IL4I1: variants seen among roughly 807,000 people sequenced by gnomAD.
The protein encoded by IL4I1 is L-amino-acid oxidase.
Under a neutral mutation model 29.7 loss-of-function variants are expected in IL4I1, and 24 were observed. The ratio of observed to expected loss-of-function variants is 0.81; its 90% CI spans 0.59 to 1.14. IL4I1 has a LOEUF of 1.14. IL4I1 is among the 50% of genes most tolerant of loss of function. The pLI, the probability that IL4I1 is intolerant of heterozygous loss-of-function variation, is 0.00. For missense variants in IL4I1, 686 were observed against 785.6 expected, an observed-to-expected ratio of 0.87 and a Z score of 1.52; for synonymous variants, 371 against 352.5, an observed-to-expected ratio of 1.05 and a Z score of -0.59.
At chr19:49,924,976 A>G (rs1273685) in intron 2 of IL4I1, among the ~76,000 whole-genome samples, 36,024 of 152,026 alleles carry the variant, frequency 0.24, 4,420 homozygotes, top group African/African-American at 0.28. Flanking sequence ...AATTACCCAC[A>G]CCGGGCCAGG....
At chr19:49,900,324 C>T (rs2075260471), upstream of IL4I1, among the ~76,000 whole-genome samples, 1 of 152,050 alleles carries the variant, frequency 6.6e-6, no homozygotes, top group Non-Finnish European at 1.5e-5. Context: ...AATGCTCTGT[C>T]GCCCAGGCTG....
Position 49,890,101 on chromosome 19 carries a change from C to A in IL4I1, c.1273G>T (p.Ala425Ser). The A allele has an allele frequency of 1.3e-6, 2 of 1,544,756 alleles. No individual in the cohort carries two copies. The highest frequency in any genetic ancestry group is 2.4e-5 in the South Asian group (2 of 84,068). Residue 425 changes from alanine to serine, a missense_variant, in exon 8 of 8, where the codon GCA (alanine) becomes TCA (serine). Coordinates refer to ENST00000391826, the MANE Select transcript of IL4I1 (RefSeq NM_152899.2). ...TGGCGCACGACAGGCCCGTGCAATG[C>A]CGCCACGTCGTCGAGCGCCAAGCGC... ...ALRLALDDVA[A>S]LHGPVVRQLW...
intron 2 of IL4I1, chr19:49,908,071 C>T (rs2075363141): frequency 1.4e-6 from 2 of 1,409,992 alleles, no homozygotes; most frequent in African/African-American, 1.4e-5. Flanking sequence ...CCCAGAATAC[C>T]CTCCTAAATG....
At chr19:49,900,968 A>C (rs1386400044), upstream of IL4I1, among the ~76,000 whole-genome samples, 1 of 152,250 alleles carries the variant, frequency 6.6e-6, no homozygotes. Flanking sequence ...CTCGTGGCCC[A>C]TCAGGGCAGC....
chr19:49,903,755 G>A (rs537311406), intron 3 of IL4I1, among the ~76,000 whole-genome samples: 25 of 145,510 alleles, frequency 1.7e-4, no homozygotes, highest in Non-Finnish European at 3.3e-4. Context: ...TTGATGATTA[G>A]TTTTTACTAA....
chr19:49,900,248 GGCC>G (rs1226322220), upstream of IL4I1, among the ~76,000 whole-genome samples: 2 of 152,146 alleles, frequency 1.3e-5, no homozygotes, highest in Non-Finnish European at 2.9e-5. Context: ...ACATCAGACA[GGCC>G]AGGTGCCCCC....
At chr19:49,928,885 G>A (rs150654811) in intron 1 of IL4I1, 1 of 152,434 alleles carries the variant, frequency 6.6e-6, no homozygotes, top group Admixed American at 6.5e-5. Flanking sequence ...AAAATCACAG[G>A]AGGAAGCAGG....
upstream of IL4I1, among the ~76,000 whole-genome samples, chr19:49,900,381 G>T (rs2075261046): frequency 6.6e-6 from 1 of 152,150 alleles, no homozygotes; most frequent in African/African-American, 2.4e-5. Flanking sequence ...TGCCTCCTGG[G>T]TTCAAGTGAT....
At chr19:49,909,237 T>C in intron 2 of IL4I1, 2 of 1,613,730 alleles carry the variant, frequency 1.2e-6, no homozygotes, top group South Asian at 2.2e-5. Context: ...GTGGCCGGAG[T>C]GAAGGGCAAC....
chr19:49,910,573 T>C (rs771695226), intron 2 of IL4I1, among the ~76,000 whole-genome samples: 7 of 152,082 alleles, frequency 4.6e-5, no homozygotes, highest in Admixed American at 3.3e-4. Flanking sequence ...CCCCTGGGGT[T>C]TTCTCCAGGC....
chr19:49,919,779 T>C (rs2075719411), intron 2 of IL4I1, among the ~76,000 whole-genome samples: 1 of 144,140 alleles, frequency 6.9e-6, no homozygotes, highest in East Asian at 2.1e-4. Context: ...TTAAGGAAGA[T>C]TCTAGAACCA....
At chr19:49,912,740 C>T (rs1241869024) in intron 2 of IL4I1, among the ~76,000 whole-genome samples, 1 of 148,230 alleles carries the variant, frequency 6.7e-6, no homozygotes, top group African/African-American at 2.6e-5. Context: ...GTGGCAGGCG[C>T]CTGTAGTCGC....
chr19:49,923,100 C>T (rs1000941539), intron 2 of IL4I1, among the ~76,000 whole-genome samples: 7 of 152,046 alleles, frequency 4.6e-5, no homozygotes, highest in African/African-American at 1.4e-4. Flanking sequence ...AGAGCTGTGA[C>T]TGCTTCTACT....
Position 49,895,742 on chromosome 19 carries a change from C to T in IL4I1, c.252+73G>A, listed in dbSNP as rs565246269. On this transcript the variant is annotated intron_variant, in intron 3 of 7. Coordinates refer to ENST00000391826, the MANE Select transcript of IL4I1 (RefSeq NM_152899.2). ...CCACCCCCTCAAGGAGGAACGCGGC[C>T]GTGTCCCTGTGCCCAGGGACTCCAG... 18 of 1,352,084 alleles carry T rather than the reference C, an allele frequency of 1.3e-5. No homozygotes were observed. In the African/African-American group the frequency reaches 1.9e-4, roughly 14 times the overall value. 83.8% of individuals were successfully genotyped at this position (1,352,084 alleles called of 1,614,324 possible).
Position 49,922,113 on chromosome 19 carries a change from G to A in IL4I1, c.-228+5581C>T, listed in dbSNP as rs1304095594. Among the ~76,000 whole-genome samples the A allele has an allele frequency of 3.3e-5, 5 of 152,330 alleles. No individual in the cohort carries two copies. In the East Asian group the frequency reaches 7.7e-4, roughly 24 times the overall value. ...CCCTCCTGACTCAGAGCTGCTGGCT[G>A]TTTCTCAACTAACCCCGGCGGCACT... On this transcript the variant is annotated intron_variant, in intron 2 of 9. Transcript: ENST00000341114.
chr19:49,902,574 TCA>T (rs1568691410), intron 3 of IL4I1, among the ~76,000 whole-genome samples: 2 of 152,020 alleles, frequency 1.3e-5, no homozygotes, highest in Admixed American at 6.6e-5. Context: ...ACACCTGCAA[TCA>T]CAGTACTTTG....
chr19:49,897,923 G>T (rs1345674204), upstream of IL4I1, among the ~76,000 whole-genome samples: 1 of 152,186 alleles, frequency 6.6e-6, no homozygotes, highest in African/African-American at 2.4e-5. Flanking sequence ...GGGCTGGGGG[G>T]TGAATGTGAG....
intron 2 of IL4I1, among the ~76,000 whole-genome samples, chr19:49,926,216 A>G (rs1453314906): frequency 7.3e-6 from 1 of 137,528 alleles, no homozygotes; most frequent in African/African-American, 2.8e-5. Context: ...CTCAAAAAAA[A>G]AAAAAAAAAA....
At chr19:49,924,276 A>G (rs1000892118) in intron 2 of IL4I1, among the ~76,000 whole-genome samples, 6 of 152,046 alleles carry the variant, frequency 3.9e-5, no homozygotes, top group Admixed American at 3.9e-4. Context: ...AGCCTCTGTG[A>G]TCTGAGGCCC....
Sources: gnomAD v4.1 joint callset for allele counts (sites outside exome capture counted in the v4.1 genomes callset) on GRCh38, gnomAD v4.1.1 for gene constraint, MANE v1.5 for transcripts, NCBI Gene and HGNC (gene_info 2026-07-23, HGNC 2026-07-21) for gene names.